The following ATXN10 variants were observed in gnomAD, a reference collection of about 807,000 sequenced individuals.
ATXN10 encodes ataxin-10.
ATXN10 carries 28 observed loss-of-function variants against 52.9 expected under a neutral mutation model. That is an observed-to-expected ratio of 0.53 (90% CI 0.39 to 0.73). The LOEUF is 0.73. ATXN10 is among the 30% of genes least tolerant of loss of function. The pLI is 0.00. For missense variants in ATXN10, 565 were observed against 577.0 expected, an observed-to-expected ratio of 0.98 and a Z score of 0.21; for synonymous variants, 226 against 221.5, an observed-to-expected ratio of 1.02 and a Z score of -0.18.
intron 5 of ATXN10, among the ~76,000 whole-genome samples, chr22:45,703,072 T>G (rs1459982906): frequency 6.6e-6 from 1 of 152,202 alleles, no homozygotes; most frequent in Non-Finnish European, 1.5e-5. Context: ...AAGAGAATTC[T>G]TTAAGGTGGT....
intron 5 of ATXN10, 80 bp downstream of exon 5, chr22:45,702,927 T>C (rs112638669): frequency 1.3e-6 from 2 of 1,555,564 alleles, no homozygotes; most frequent in Non-Finnish European, 1.8e-6. Flanking sequence ...AAGTAAAAAT[T>C]TGGACATTGT....
intron 9 of ATXN10, chr22:45,760,642 C>G (rs1049628649): frequency 3.2e-5 from 5 of 154,064 alleles, no homozygotes; most frequent in Admixed American, 1.3e-4. Context: ...TTGAGTGTGT[C>G]CTGTGTCCTA....
Position 45,690,955 on chromosome 22 carries a change from T to A in ATXN10, c.308+1052T>A, listed in dbSNP as rs1449231530. ...CTGTCACCACTGTGACGGGTAAGCT[T>A]GGGCTGGTCCAGAAGCCACTTGAGG... is the stretch of plus-strand genomic sequence containing the variant. On this transcript the variant is annotated intron_variant, in intron 2 of 11. Transcript: ENST00000252934. This position sits in a 1 kb window ranked among gnomAD's most constrained non-coding sequence, Gnocchi z 4.5. 5.9e-5 allele frequency among the ~76,000 whole-genome samples: 9 copies of A among 152,180 alleles called. No individual in the cohort carries two copies. The highest frequency in any genetic ancestry group is 1.3e-4 in the Non-Finnish European group (9 of 68,034).
At position 45,823,376 on chromosome 22, in the gene ATXN10, G is replaced by T; in HGVS notation, c.1237+16354G>T. On this transcript the variant is annotated intron_variant, in intron 10 of 11. Coordinates refer to ENST00000252934, the MANE Select transcript of ATXN10 (RefSeq NM_013236.4). The surrounding 1 kb of genome is among the most constrained non-coding windows in gnomAD (Gnocchi z 4.9). ...GCTTTACAGTTTTGCCTTCTATCTGGATTTGTAATCTATCAGAATTGTAAT... is the reference window on the plus strand; with the variant it reads ...GCTTTACAGTTTTGCCTTCTATCTGTATTTGTAATCTATCAGAATTGTAAT... The T allele has an allele frequency of 3.3e-6, 1 of 307,168 alleles. No homozygotes were observed. The highest frequency in any genetic ancestry group is 6.5e-6 in the Non-Finnish European group (1 of 153,792). The allele number at this position is 307,168 out of a possible 1,614,324, so 19.0% of individuals were successfully genotyped here.
intron 9 of ATXN10, chr22:45,792,953 AT>A: frequency 3.2e-6 from 1 of 317,160 alleles, no homozygotes; most frequent in Non-Finnish European, 6.7e-6. Flanking sequence ...GGTGAATCAA[AT>A]GATTTACATG....
chr22:45,737,230 A>C (rs182273689), intron 7 of ATXN10, among the ~76,000 whole-genome samples: 1 of 152,310 alleles, frequency 6.6e-6, no homozygotes, highest in East Asian at 1.9e-4. Context: ...GTTGTTTCTG[A>C]TTCCGAATTT....
At chr22:45,751,013 C>T (rs989341263) in intron 9 of ATXN10, among the ~76,000 whole-genome samples, 12 of 152,244 alleles carry the variant, frequency 7.9e-5, no homozygotes, top group African/African-American at 2.9e-4. Flanking sequence ...TCACTGCAAC[C>T]TCTGCCTCCT....
chr22:45,788,958 T>G (rs1471615784), intron 9 of ATXN10, among the ~76,000 whole-genome samples: 1 of 152,152 alleles, frequency 6.6e-6, no homozygotes, highest in Non-Finnish European at 1.5e-5. Flanking sequence ...CAGGAGCTTT[T>G]AAACTATGTA....
In ATXN10 at chr22:45,774,741, T is replaced by C. The variant is rs1359033827; in HGVS notation, c.1174-32218T>C. On this transcript the variant is annotated intron_variant, in intron 9 of 11. Transcript: ENST00000252934. This position sits in a 1 kb window ranked among gnomAD's most constrained non-coding sequence, Gnocchi z 6.2. ...TGAGGCCAGGAGTTTGAGACCAGCC[T>C]GACCACCATGGTGAAACCCTGTCTC... is the stretch of plus-strand genomic sequence containing the variant. Among the ~76,000 whole-genome samples, 1 of 152,226 alleles carries C rather than the reference T, an allele frequency of 6.6e-6. No homozygotes were observed. Among genetic ancestry groups the C allele is most frequent in the Non-Finnish European group, 1.5e-5 (1 of 68,040 alleles).
In ATXN10 at chr22:45,840,416, G is replaced by A. The variant is rs932043898; in HGVS notation, c.1238-2575G>A. On this transcript the variant is annotated intron_variant, in intron 10 of 11. Transcript: ENST00000252934. The surrounding 1 kb of genome is among the most constrained non-coding windows in gnomAD (Gnocchi z 5.8). ...CCGAGGGGTAGCTAAGACAGGGAAG[G>A]CTTCCGGGAGACTGTGATACTTGCT... 5.9e-5 allele frequency among the ~76,000 whole-genome samples: 9 copies of A among 152,172 alleles called. No homozygotes were observed. Among genetic ancestry groups the A allele is most frequent in the Admixed American group, 5.9e-4 (9 of 15,280 alleles).
intron 9 of ATXN10, among the ~76,000 whole-genome samples, chr22:45,753,064 C>T (rs1926042298): frequency 1.3e-5 from 2 of 152,086 alleles, no homozygotes; most frequent in Admixed American, 1.3e-4. Flanking sequence ...TGTTGTCCAT[C>T]TTCGTCTTGA....
At chr22:45,702,590 G>C in intron 4 of ATXN10, 99 bp from the exon 5 acceptor site, 2 of 1,093,588 alleles carry the variant, frequency 1.8e-6, no homozygotes, top group South Asian at 1.3e-5. Context: ...ATCCTCAAAA[G>C]TATTAGCATG....
intron 6 of ATXN10, among the ~76,000 whole-genome samples, chr22:45,726,576 A>G (rs1046669931): frequency 2.0e-5 from 3 of 152,128 alleles, no homozygotes; most frequent in Admixed American, 1.3e-4. Flanking sequence ...CTAATGGTCT[A>G]TCGATTTTAT....
chr22:45,788,006 G>C (rs1273323549), intron 9 of ATXN10, among the ~76,000 whole-genome samples: 1 of 152,128 alleles, frequency 6.6e-6, no homozygotes, highest in Non-Finnish European at 1.5e-5. Flanking sequence ...TGATCCCAAG[G>C]TTATACAAGG....
chr22:45,702,696 T>C lies in ATXN10; in HGVS notation c.496T>C (p.Leu166=). The part of the protein sequence containing the change: ...HAFPELFLSC[L]NHPDKKIVAY... ...CATTTCCTTGTTTGGAAGGTCTTGC[T>C]TAAATCATCCGGACAAAAAAATTGT... The change falls in exon 5 of 12, where the codon TTA becomes CTA. Residue 166 remains leucine, a synonymous_variant. Coordinates refer to ENST00000252934, the MANE Select transcript of ATXN10 (RefSeq NM_013236.4). The C allele has an allele frequency of 6.2e-7, 1 of 1,613,978 alleles. No homozygotes were observed. Among genetic ancestry groups the C allele is most frequent in the Non-Finnish European group, 8.5e-7 (1 of 1,179,922 alleles).
chr22:45,730,593 T>A lies in ATXN10; in HGVS notation c.894+1003T>A, dbSNP rs140570183. ...GGATTATAGGTGCACACCACCACCA[T>A]GCCCAGATAATTTTTGTATTTTTGG... On this transcript the variant is annotated intron_variant, in intron 7 of 11. Coordinates refer to ENST00000252934, the MANE Select transcript of ATXN10 (RefSeq NM_013236.4). 2.3e-4 allele frequency among the ~76,000 whole-genome samples: 35 copies of A among 152,266 alleles called. No homozygotes were observed. The East Asian group carries it at 6.8e-3, about 29-fold the overall frequency.
Position 45,688,455 on chromosome 22 carries a change from C to G in ATXN10, c.117-1257C>G, listed in dbSNP as rs146658570. Among the ~76,000 whole-genome samples, 1 of 152,270 alleles carries G rather than the reference C, an allele frequency of 6.6e-6. No individual in the cohort carries two copies. Among genetic ancestry groups the G allele is most frequent in the African/African-American group, 2.4e-5 (1 of 41,552 alleles). ...TTTGGGTCATAAATTTGACTCCAGA[C>G]TTAAGAAAGGCCCCGACAGAGAGAA... On this transcript the variant is annotated intron_variant, in intron 1 of 11. Coordinates refer to ENST00000252934, the MANE Select transcript of ATXN10 (RefSeq NM_013236.4). The surrounding 1 kb of genome is among the most constrained non-coding windows in gnomAD (Gnocchi z 4.0).
At chr22:45,768,016 A>G (rs1297581666) in intron 9 of ATXN10, among the ~76,000 whole-genome samples, 2 of 152,256 alleles carry the variant, frequency 1.3e-5, no homozygotes, top group Admixed American at 1.3e-4. Flanking sequence ...TAATAGAGAT[A>G]CAAAGATAAA....
At chr22:45,761,672 T>A (rs531823541) in intron 9 of ATXN10, among the ~76,000 whole-genome samples, 3 of 152,364 alleles carry the variant, frequency 2.0e-5, no homozygotes, top group Non-Finnish European at 2.9e-5. Flanking sequence ...TCTATTTTTT[T>A]ATCATACACT....
Sources: allele counts gnomAD v4.1 joint callset (sites outside exome capture counted in the v4.1 genomes callset), GRCh38; gene constraint gnomAD v4.1.1; non-coding constraint Gnocchi (gnomAD v3.1); transcripts MANE v1.5; gene names NCBI Gene and HGNC (gene_info 2026-07-23, HGNC 2026-07-21).